MSN: variants seen among roughly 807,000 people sequenced by gnomAD.
MSN encodes epididymis luminal protein 70.
A neutral mutation model predicts 48.0 loss-of-function variants in MSN; 2 were observed. The observed-to-expected ratio is 0.04, with a 90% CI of 0.02 to 0.13. The LOEUF (loss-of-function observed/expected upper bound fraction) is 0.13, where lower values mean the gene tolerates loss of function less well. MSN is among the 10% of genes least tolerant of loss of function. The pLI is 1.00. For synonymous variants in MSN, 146 were observed against 166.9 expected (o/e 0.87, Z 0.97); for missense variants, 267 against 470.1 (o/e 0.57, Z 3.99).
At chrX:65,671,619 G>T (rs773516358) in intron 1 of MSN, among the ~76,000 whole-genome samples, 2 of 111,940 alleles carry the variant, frequency 1.8e-5, no homozygotes, top group African/African-American at 6.5e-5. Flanking sequence ...TATGAGAGAG[G>T]ATCCTGCATC....
intron 1 of MSN, among the ~76,000 whole-genome samples, chrX:65,698,483 C>T (rs2071269387): frequency 8.9e-6 from 1 of 112,420 alleles, no homozygotes; most frequent in Non-Finnish European, 1.9e-5. Flanking sequence ...CTCAGGGCCC[C>T]AGTTGTTTCC....
chrX:65,624,397 C>T, intron 1 of MSN, among the ~76,000 whole-genome samples: 1 of 110,566 alleles, frequency 9.0e-6, no homozygotes, highest in Non-Finnish European at 1.9e-5. Context: ...TACTTATTCC[C>T]TCTTTCTTCT....
chrX:65,617,894 C>T (rs1326449100), intron 1 of MSN, among the ~76,000 whole-genome samples: 105 of 109,908 alleles, frequency 9.6e-4, no homozygotes, highest in Non-Finnish European at 1.7e-3. Context: ...CCCAGAGATT[C>T]TGGTATGTTG....
intron 1 of MSN, among the ~76,000 whole-genome samples, chrX:65,647,066 G>T (rs1266644379): frequency 1.8e-5 from 2 of 111,859 alleles, no homozygotes; most frequent in African/African-American, 6.5e-5. Flanking sequence ...GAGATAAAAA[G>T]CAAACACTGT....
chrX:65,638,339 T>C (rs1052947533), intron 1 of MSN, among the ~76,000 whole-genome samples: 3 of 112,075 alleles, frequency 2.7e-5, no homozygotes, highest in African/African-American at 9.7e-5. Context: ...CATCTTTTTG[T>C]GCTTCCCTTC....
chrX:65,664,027 T>C (rs1336772408), upstream of MSN, among the ~76,000 whole-genome samples: 72 of 99,709 alleles, frequency 7.2e-4, no homozygotes, highest in African/African-American at 2.6e-3. Context: ...GCCACTGCAC[T>C]CCAGCCTGGG....
intron 1 of MSN, among the ~76,000 whole-genome samples, chrX:65,611,144 CCTTT>C (rs370402241): frequency 1.2e-3 from 122 of 105,219 alleles, no homozygotes; most frequent in South Asian, 2.8e-3. Flanking sequence ...TTCCATCCTT[CCTTT>C]CTTTCTTTCT....
intron 1 of MSN, among the ~76,000 whole-genome samples, chrX:65,620,209 G>T (rs1454091968): frequency 5.3e-5 from 6 of 112,697 alleles, no homozygotes; most frequent in Non-Finnish European, 9.4e-5. Context: ...AGGCAGGCTG[G>T]CCTCCTTGAT....
At chrX:65,595,572 G>T (rs919579327) in intron 1 of MSN, among the ~76,000 whole-genome samples, 14 of 111,799 alleles carry the variant, frequency 1.3e-4, no homozygotes, top group Non-Finnish European at 5.6e-5. Context: ...GTTCTTTAGC[G>T]GTTGCTACAG....
At chrX:65,643,880 C>T (rs1437654483) in intron 1 of MSN, among the ~76,000 whole-genome samples, 1 of 111,727 alleles carries the variant, frequency 9.0e-6, no homozygotes, top group Non-Finnish European at 1.9e-5. Flanking sequence ...TCTGGTTTGC[C>T]TGGGACTTTC....
chrX:65,731,234 G>T, intron 5 of MSN, 44 bp downstream of exon 5: 1 of 1,053,115 alleles, frequency 9.5e-7, no homozygotes, highest in Non-Finnish European at 1.3e-6. Context: ...CCCTTACAGG[G>T]TGAATGAGAA....
At chrX:65,657,847 G>A (rs1198802402) in intron 1 of MSN, among the ~76,000 whole-genome samples, 1 of 111,742 alleles carries the variant, frequency 8.9e-6, no homozygotes, top group Non-Finnish European at 1.9e-5. Flanking sequence ...GGATGAAGGT[G>A]GACTTTGGTC....
intron 1 of MSN, chrX:65,625,367 G>C (rs2070495370): frequency 8.9e-6 from 1 of 111,988 alleles, no homozygotes; most frequent in Non-Finnish European, 1.9e-5. Flanking sequence ...CCATTGTTTA[G>C]AATAGGGTAT....
At chrX:65,603,259 A>C (rs1015907368) in intron 1 of MSN, among the ~76,000 whole-genome samples, 3 of 112,255 alleles carry the variant, frequency 2.7e-5, no homozygotes, top group African/African-American at 3.2e-5. Context: ...ACGCCACTGC[A>C]CTTCAGCCTA....
chrX:65,628,404 G>T (rs2070526002), intron 1 of MSN, among the ~76,000 whole-genome samples: 2 of 112,713 alleles, frequency 1.8e-5, no homozygotes. Context: ...CAGGGCTTGG[G>T]GCTTCCACCC....
intron 1 of MSN, among the ~76,000 whole-genome samples, chrX:65,687,117 C>T (rs991448566): frequency 3.6e-5 from 4 of 111,859 alleles, no homozygotes; most frequent in African/African-American, 9.8e-5. Flanking sequence ...GAGGCTGAGG[C>T]GGGTGGATCA....
intron 1 of MSN, among the ~76,000 whole-genome samples, chrX:65,624,308 C>T (rs1421718652): frequency 9.1e-6 from 1 of 110,046 alleles, no homozygotes; most frequent in Non-Finnish European, 1.9e-5. Flanking sequence ...GAACTCCCGA[C>T]CTCAGGTGAT....
chrX:65,649,988 A>G (rs2070728858), intron 1 of MSN, among the ~76,000 whole-genome samples: 1 of 107,110 alleles, frequency 9.3e-6, no homozygotes, highest in Admixed American at 1.0e-4. Flanking sequence ...GAAAAAAAAA[A>G]CGTGCACATT....
chrX:65,733,059 T>TAA, intron 6 of MSN, 125 bp from the exon 7 acceptor site: 1 of 496,872 alleles, frequency 2.0e-6, no homozygotes, highest in Non-Finnish European at 3.3e-6. Flanking sequence ...TCTATTTATT[T>TAA]TAAAAAAAAA....
Sources: gnomAD v4.1 joint callset for allele counts (sites outside exome capture counted in the v4.1 genomes callset) on GRCh38, gnomAD v4.1.1 for gene constraint, MANE v1.5 for transcripts, NCBI Gene and HGNC (gene_info 2026-07-23, HGNC 2026-07-21) for gene names.